Variants in MYO3B observed in about 807,000 individuals in gnomAD.
The protein encoded by MYO3B is myosin-IIIb.
MYO3B carries 156 observed loss-of-function variants against 174.6 expected under a neutral mutation model. The observed-to-expected ratio is 0.89, with a 90% CI of 0.78 to 1.02. The LOEUF is 1.02. MYO3B is among the 50% of genes least tolerant of loss of function. MYO3B has a pLI of 0.00. For synonymous variants in MYO3B, 563 were observed against 569.1 expected (o/e 0.99, Z 0.15); for missense variants, 1,632 against 1,639.4 (o/e 1.00, Z 0.08).
At chr2:170,180,368 A>T (rs927970364) in intron 1 of MYO3B, among the ~76,000 whole-genome samples, 5 of 152,230 alleles carry the variant, frequency 3.3e-5, no homozygotes, top group African/African-American at 1.2e-4. Context: ...AGCAAAGCTT[A>T]GCAGGCCTCA....
intron 7 of MYO3B, among the ~76,000 whole-genome samples, chr2:170,242,539 C>A (rs1355892109): frequency 6.6e-6 from 1 of 152,130 alleles, no homozygotes; most frequent in African/African-American, 2.4e-5. Context: ...CCATTCAGTC[C>A]TATGTAGGTA....
Position 170,245,311 on chromosome 2 carries a change from A to C in MYO3B, c.749+9175A>C, listed in dbSNP as rs575323512. 2.0e-5 allele frequency among the ~76,000 whole-genome samples: 3 copies of C among 152,292 alleles called. No individual in the cohort carries two copies. In the South Asian group the frequency reaches 6.2e-4, roughly 32 times the overall value. On this transcript the variant is annotated intron_variant, in intron 7 of 34. Coordinates refer to ENST00000408978, the MANE Select transcript of MYO3B (RefSeq NM_138995.5). ...TATAGGCTGAAAGAGCCGTGAGTTT[A>C]ATAGCCCACGGTGAAAAATGAATTA...
rs1698720083 is a variant in MYO3B at position 170,649,179 on chromosome 2, TATAAA to T, written c.3734-2444_3734-2440del. On this transcript the variant is annotated intron_variant, in intron 32 of 34. Coordinates refer to ENST00000408978, the MANE Select transcript of MYO3B (RefSeq NM_138995.5). ...ATAAAATAATATATAATATATTATA[TATAAA>T]ATAATATATATTATATATAAAATAA... Among the ~76,000 whole-genome samples, 2 of 33,112 alleles carry T rather than the reference TATAAA, an allele frequency of 6.0e-5. 1 individual carries two copies. Among genetic ancestry groups the T allele is most frequent in the Non-Finnish European group, 1.0e-4 (2 of 19,608 alleles). The allele number at this position is 33,112 out of a possible 152,430, so 21.7% of individuals were successfully genotyped here.
intron 1 of MYO3B, among the ~76,000 whole-genome samples, chr2:170,194,790 G>T (rs2092580670): frequency 6.6e-6 from 1 of 152,144 alleles, no homozygotes; most frequent in Admixed American, 6.5e-5. Flanking sequence ...TGGTAGATCA[G>T]TCCAAGTCCC....
chr2:170,189,328 T>C (rs2092510909), intron 1 of MYO3B, among the ~76,000 whole-genome samples: 1 of 152,084 alleles, frequency 6.6e-6, no homozygotes, highest in African/African-American at 2.4e-5. Flanking sequence ...CAGCTTGGTG[T>C]TCTATAATCT....
intron 32 of MYO3B, among the ~76,000 whole-genome samples, chr2:170,602,704 A>G (rs1223397039): frequency 6.6e-6 from 1 of 152,000 alleles, no homozygotes; most frequent in East Asian, 1.9e-4. Context: ...GCCAATTACT[A>G]TATGTCATCC....
At chr2:170,212,243 CAAAA>C (rs57947187) in intron 3 of MYO3B, among the ~76,000 whole-genome samples, 1,516 of 127,976 alleles carry the variant, frequency 0.012, 9 homozygotes, top group Middle Eastern at 0.044. Flanking sequence ...AACTCCCTCT[CAAAA>C]AAAAAAAAAA....
intron 32 of MYO3B, among the ~76,000 whole-genome samples, chr2:170,569,446 C>A (rs1692285144): frequency 6.6e-6 from 1 of 151,606 alleles, no homozygotes; most frequent in Non-Finnish European, 1.5e-5. Flanking sequence ...TATGCTAATT[C>A]ATAAGCAGAA....
intron 8 of MYO3B, among the ~76,000 whole-genome samples, chr2:170,352,938 A>T (rs890427166): frequency 1.3e-5 from 2 of 152,140 alleles, no homozygotes; most frequent in Non-Finnish European, 2.9e-5. Flanking sequence ...AGCAAAAGGA[A>T]CTCTCCTTCA....
At chr2:170,208,610 C>T (rs537386326) in intron 3 of MYO3B, among the ~76,000 whole-genome samples, 327 of 152,274 alleles carry the variant, frequency 2.1e-3, no homozygotes, top group Non-Finnish European at 3.7e-3. Flanking sequence ...TTCACAGGAA[C>T]AAGCAGGGTT....
chr2:170,566,565 A>G (rs1328427348), intron 32 of MYO3B, among the ~76,000 whole-genome samples: 2 of 152,210 alleles, frequency 1.3e-5, no homozygotes, highest in African/African-American at 2.4e-5. Flanking sequence ...ATGAGTAGCC[A>G]GTGAGAAAAT....
Position 170,300,093 on chromosome 2 carries a change from C to T in MYO3B, c.750-35292C>T, listed in dbSNP as rs568202152. Among the ~76,000 whole-genome samples, 341 of 152,226 alleles carry T rather than the reference C, an allele frequency of 2.2e-3. 2 individuals carry two copies. The highest frequency in any genetic ancestry group is 2.4e-3 in the Non-Finnish European group (160 of 68,014). ...ACACCCGCTCTGAGATATTCAGTGCCGATAGGGCAGACATTAGAGATGCTC... is the reference window on the plus strand; with the variant it reads ...ACACCCGCTCTGAGATATTCAGTGCTGATAGGGCAGACATTAGAGATGCTC... On this transcript the variant is annotated intron_variant, in intron 7 of 34. Transcript: ENST00000408978.
intron 22 of MYO3B, among the ~76,000 whole-genome samples, chr2:170,425,316 G>A (rs2094651487): frequency 6.6e-6 from 1 of 152,184 alleles, no homozygotes; most frequent in African/African-American, 2.4e-5. Flanking sequence ...TTTTGCTTTG[G>A]TGCCAACGTG....
chr2:170,593,160 T>A (rs1693926231), intron 32 of MYO3B, among the ~76,000 whole-genome samples: 1 of 152,116 alleles, frequency 6.6e-6, no homozygotes, highest in Admixed American at 6.6e-5. Context: ...TGTAGTGGCA[T>A]GATCATAGAT....
intron 8 of MYO3B, among the ~76,000 whole-genome samples, chr2:170,356,454 C>G (rs2094121679): frequency 1.3e-5 from 2 of 152,046 alleles, no homozygotes; most frequent in South Asian, 4.1e-4. Flanking sequence ...CCTCTGCTTC[C>G]TGGGTTCAAG....
At chr2:170,502,252 C>T (rs1290954679) in intron 28 of MYO3B, among the ~76,000 whole-genome samples, 2 of 152,178 alleles carry the variant, frequency 1.3e-5, no homozygotes, top group Admixed American at 1.3e-4. Context: ...GAACAAAACC[C>T]TTTCCCTCTC....
At chr2:170,378,380 T>C (rs146524990) in intron 9 of MYO3B, among the ~76,000 whole-genome samples, 177 of 152,304 alleles carry the variant, frequency 1.2e-3, no homozygotes, top group African/African-American at 4.1e-3. Context: ...AGTAGAGAAG[T>C]CTTGCATCTA....
At chr2:170,293,394 CTTATA>C (rs1029700842) in intron 7 of MYO3B, among the ~76,000 whole-genome samples, 17 of 152,178 alleles carry the variant, frequency 1.1e-4, no homozygotes, top group Non-Finnish European at 7.4e-5. Context: ...CTGCTTATTT[CTTATA>C]TTATGTTGAA....
At chr2:170,575,954 C>T (rs1343615972) in intron 32 of MYO3B, among the ~76,000 whole-genome samples, 1 of 152,158 alleles carries the variant, frequency 6.6e-6, no homozygotes, top group Non-Finnish European at 1.5e-5. Flanking sequence ...AGTCTATTCC[C>T]TTATTTTACA....
Sources: allele counts gnomAD v4.1 joint callset (sites outside exome capture counted in the v4.1 genomes callset), GRCh38; gene constraint gnomAD v4.1.1; transcripts MANE v1.5; gene names NCBI Gene and HGNC (gene_info 2026-07-23, HGNC 2026-07-21).